DUXB: variants seen among roughly 807,000 people sequenced by gnomAD.
The protein encoded by DUXB is double homeobox protein B.
In DUXB, 22 loss-of-function variants were observed where a neutral mutation model predicts 8.9. That is an observed-to-expected ratio of 2.46 (90% confidence interval 1.76 to 3.52). The LOEUF (loss-of-function observed/expected upper bound fraction) is 3.52, where lower values mean the gene tolerates loss of function less well. DUXB is among the 30% of genes most tolerant of loss of function. The probability of loss-of-function intolerance (pLI) is 0.00; values close to 1 mark genes in which losing one functional copy is unlikely to be tolerated. For missense variants in DUXB, 237 were observed against 108.7 expected, an observed-to-expected ratio of 2.18 and a Z score of -5.25; for synonymous variants, 84 against 37.6, an observed-to-expected ratio of 2.23 and a Z score of -4.52.
intron 3 of DUXB, 72 bp downstream of exon 3, chr16:75,696,766 T>C (rs2082610872): frequency 1.5e-6 from 1 of 649,760 alleles, no homozygotes; most frequent in South Asian, 1.7e-5. Flanking sequence ...ATCCCTGGCT[T>C]CTGAGCTAAG....
intron 2 of DUXB, among the ~76,000 whole-genome samples, chr16:75,699,762 C>T (rs573620249): frequency 6.6e-6 from 1 of 152,184 alleles, no homozygotes; most frequent in East Asian, 1.9e-4. Context: ...AGGGTTTCAC[C>T]ATGTTAGCCA....
intron 2 of DUXB, among the ~76,000 whole-genome samples, chr16:75,699,562 T>C (rs1959199386): frequency 1.3e-5 from 2 of 151,524 alleles, no homozygotes; most frequent in Admixed American, 6.6e-5. Flanking sequence ...TCTTTTCTTT[T>C]CTTTTTTTTT....
At chr16:75,700,304 G>A (rs746916608) in intron 1 of DUXB, 135 bp from the exon 2 acceptor site, 12 of 523,150 alleles carry the variant, frequency 2.3e-5, no homozygotes, top group South Asian at 5.5e-5. Context: ...ATGCAGTTTC[G>A]GGTCAATGCG....
intron 2 of DUXB, among the ~76,000 whole-genome samples, chr16:75,699,538 G>T (rs552086303): frequency 6.7e-6 from 1 of 150,348 alleles, no homozygotes; most frequent in South Asian, 2.1e-4. Flanking sequence ...CCGCATCCTT[G>T]TTTTTATTTG....
chr16:75,696,775 A>G, intron 3 of DUXB, 63 bp downstream of exon 3: 1 of 671,490 alleles, frequency 1.5e-6, no homozygotes, highest in Non-Finnish European at 2.7e-6. Context: ...TTCTGAGCTA[A>G]GAGATGTTGA....
rs941720246 is a variant in DUXB at position 75,696,896 on chromosome 16, C to G, written c.228G>C (p.Lys76Asn). The G allele has an allele frequency of 1.4e-6, 1 of 702,926 alleles. No individual in the cohort carries two copies. The highest frequency in any genetic ancestry group is 2.6e-6 in the Non-Finnish European group (1 of 384,996). 43.5% of individuals were successfully genotyped at this position (702,926 alleles called of 1,614,324 possible). Reference protein sequence around the residue: ...YRVKQRKLDYKCFSEKDQTQG... With the variant: ...YRVKQRKLDYNCFSEKDQTQG... Reference sequence around the variant, plus strand: ...GGGTTTGATCTTTTTCTGAGAAGCACTTATAATCCAGTTTTCTCTGTTTTA... The same window carrying G: ...GGGTTTGATCTTTTTCTGAGAAGCAGTTATAATCCAGTTTTCTCTGTTTTA... The change falls in exon 3 of 5, where the codon AAG (lysine) becomes AAC (asparagine). Residue 76 changes from lysine to asparagine, a missense_variant. Lys to Asn is a moderately conservative substitution (Grantham distance 94). Transcript: ENST00000633875.
intron 4 of DUXB, among the ~76,000 whole-genome samples, chr16:75,695,233 G>A (rs2082596027): frequency 6.6e-6 from 1 of 152,158 alleles, no homozygotes; most frequent in Non-Finnish European, 1.5e-5. Flanking sequence ...GGAAAGGAAC[G>A]TGTTCTCGAA....
intron 2 of DUXB, among the ~76,000 whole-genome samples, chr16:75,697,557 A>G (rs1366877115): frequency 6.6e-6 from 1 of 152,202 alleles, no homozygotes; most frequent in East Asian, 1.9e-4. Flanking sequence ...CCTCATTACT[A>G]GAGTCAGAAT....
Position 75,693,998 on chromosome 16 carries a change from A to T in DUXB, c.969T>A (p.Ile323=). Residue 323 remains isoleucine (I), a synonymous_variant, in exon 5 of 5, where the codon ATT becomes ATA. Transcript: ENST00000633875. ...GGCAGATCTCGTCCCACCTTTGCAA[A>T]ATGTTCGATATGTCAAACTGACCCA... ...LNLGQFDISN[I]LQRWDEICQA... 1 of 400,858 alleles carries T rather than the reference A, an allele frequency of 2.5e-6. No individual in the cohort carries two copies. The highest frequency in any genetic ancestry group is 4.4e-6 in the Non-Finnish European group (1 of 228,002). The allele number at this position is 400,858 out of a possible 1,614,324, so 24.8% of individuals were successfully genotyped here. A position where few individuals can be genotyped will look rare whatever the true frequency, so the allele number is the denominator to read the frequency against.
intron 2 of DUXB, 83 bp downstream of exon 2, chr16:75,699,932 A>G: frequency 1.7e-6 from 1 of 579,120 alleles, no homozygotes; most frequent in Non-Finnish European, 3.1e-6. Flanking sequence ...AACCTGATAT[A>G]AGAGAATTGG....
At chr16:75,696,289 C>CGTAA (rs1446865855) in intron 3 of DUXB, among the ~76,000 whole-genome samples, 174 bp from the exon 4 acceptor site, 2 of 152,368 alleles carry the variant, frequency 1.3e-5, no homozygotes, top group Admixed American at 6.5e-5. Flanking sequence ...CAGTGGCTTA[C>CGTAA]GCCTGTAGTC....
Position 75,696,817 on chromosome 16 carries a change from G to A in DUXB, c.286+21C>T. On this transcript the variant is annotated intron_variant, in intron 3 of 4. Coordinates refer to ENST00000633875, the MANE Select transcript of DUXB (RefSeq NM_001351307.2). ...ATTTGGGCACAACGTACTCTCAATG[G>A]GACCCATTGAGCATTCTTACCTTGA... 4 of 700,094 alleles carry A rather than the reference G, an allele frequency of 5.7e-6. No homozygotes were observed. The South Asian group carries it at 6.0e-5, about 10-fold the overall frequency. 43.4% of individuals were successfully genotyped at this position (700,094 alleles called of 1,614,324 possible). A position where few individuals can be genotyped will look rare whatever the true frequency, so the allele number is the denominator to read the frequency against.
In DUXB at chr16:75,696,788, C is replaced by T. The variant is rs998935131; in HGVS notation, c.286+50G>A. ...GCTTCTGAGCTAAGAGATGTTGATG[C>T]AGAATTTGGGCACAACGTACTCTCA... On this transcript the variant is annotated intron_variant, in intron 3 of 4. Coordinates refer to ENST00000633875, the MANE Select transcript of DUXB (RefSeq NM_001351307.2). The T allele has an allele frequency of 1.0e-5, 7 of 677,126 alleles. No individual in the cohort carries two copies. In the African/African-American group the frequency reaches 1.3e-4, roughly 12 times the overall value. 41.9% of individuals were successfully genotyped at this position (677,126 alleles called of 1,614,324 possible). A position where few individuals can be genotyped will look rare whatever the true frequency, so the allele number is the denominator to read the frequency against.
rs182744852 is a variant in DUXB, at chr16:75,700,382, C to A, written c.26-213G>T. Among the ~76,000 whole-genome samples the A allele has an allele frequency of 4.5e-3, 689 of 152,144 alleles. 4 individuals are homozygous for A. The highest frequency in any genetic ancestry group is 0.016 in the African/African-American group (653 of 41,486). Reference sequence around the variant, plus strand: ...CGGAATAGCTGGGACTACAGGTATGCACCACTGTGCCTGGCTATTTTTTTT... The same window carrying A: ...CGGAATAGCTGGGACTACAGGTATGAACCACTGTGCCTGGCTATTTTTTTT... On this transcript the variant is annotated intron_variant, in intron 1 of 4. Transcript: ENST00000633875.
chr16:75,697,854 C>G (rs1461791170), intron 2 of DUXB, among the ~76,000 whole-genome samples: 1 of 152,116 alleles, frequency 6.6e-6, no homozygotes. Flanking sequence ...GAGCACAAAC[C>G]CTACTGTGAA....
intron 2 of DUXB, 66 bp downstream of exon 2, chr16:75,699,949 C>G (rs200118063): frequency 6.2e-4 from 371 of 601,774 alleles, no homozygotes; most frequent in Non-Finnish European, 9.8e-4. Flanking sequence ...TTGGCAAAAG[C>G]GCTGGGCCTA....
chr16:75,694,659 AATCC>A (rs2082591340), intron 4 of DUXB, 134 bp from the exon 5 acceptor site: 1 of 614,056 alleles, frequency 1.6e-6, no homozygotes, highest in Non-Finnish European at 2.9e-6. Context: ...TGGCTCTCTG[AATCC>A]ATGGGTTCCA....
Position 75,700,046 on chromosome 16 carries a change from T to G in DUXB, c.149A>C (p.Lys50Thr). 1.4e-6 allele frequency: 1 copy of G among 701,056 alleles called. No individual in the cohort carries two copies. 43.4% of individuals were successfully genotyped at this position (701,056 alleles called of 1,614,324 possible). A position where few individuals can be genotyped will look rare whatever the true frequency, so the allele number is the denominator to read the frequency against. Residue 50 changes from lysine to threonine, a missense_variant, in exon 2 of 5, where the codon AAA becomes ACA. By Grantham distance (78) the Lys-to-Thr change is moderately conservative. Transcript: ENST00000633875. Reference protein sequence around the residue: ...PDKAAREQLAKEIGVPESNIQ... With the variant: ...PDKAAREQLATEIGVPESNIQ... ...ATTAGATTCTGGAACCCCAATTTCTTTGGCCAGTTGTTCTCTGGCAGCTTT... is the reference window on the plus strand; with the variant it reads ...ATTAGATTCTGGAACCCCAATTTCTGTGGCCAGTTGTTCTCTGGCAGCTTT...
intron 3 of DUXB, among the ~76,000 whole-genome samples, 152 bp downstream of exon 3, chr16:75,696,686 A>G (rs1399346138): frequency 6.6e-6 from 1 of 152,132 alleles, no homozygotes; most frequent in Admixed American, 6.5e-5. Context: ...TCTATAACAA[A>G]CTTACTTTCA....
Sources: allele counts gnomAD v4.1 joint callset (sites outside exome capture counted in the v4.1 genomes callset), GRCh38; gene constraint gnomAD v4.1.1; transcripts MANE v1.5; gene names NCBI Gene and HGNC (gene_info 2026-07-23, HGNC 2026-07-21).